MAGI1: variants seen among roughly 807,000 people sequenced by gnomAD.
MAGI1 encodes the protein membrane-associated guanylate kinase, WW and PDZ domain-containing protein 1.
Under a neutral mutation model 139.9 loss-of-function variants are expected in MAGI1, and 58 were observed. The observed-to-expected ratio is 0.41, with a 90% CI of 0.34 to 0.52. MAGI1 has a LOEUF of 0.52. MAGI1 is among the 20% of genes least tolerant of loss of function. The pLI is 0.12. For missense variants in MAGI1, 1,874 were observed against 1,901.6 expected (o/e 0.99, Z 0.27); for synonymous variants, 812 against 737.9 (o/e 1.10, Z -1.63).
chr3:65,783,657 G>A (rs2039123276), intron 1 of MAGI1, among the ~76,000 whole-genome samples: 1 of 151,650 alleles, frequency 6.6e-6, no homozygotes, highest in Non-Finnish European at 1.5e-5. Flanking sequence ...ACCATGCCCA[G>A]CTAATTTTTT....
intron 1 of MAGI1, among the ~76,000 whole-genome samples, chr3:65,788,224 T>C (rs865955106): frequency 1.1e-4 from 16 of 152,170 alleles, no homozygotes; most frequent in South Asian, 2.1e-4. Context: ...TGAAGGTTTT[T>C]CGAATGTTTT....
At chr3:65,839,646 G>A (rs1575663155) in intron 1 of MAGI1, among the ~76,000 whole-genome samples, 1 of 152,098 alleles carries the variant, frequency 6.6e-6, no homozygotes, top group African/African-American at 2.4e-5. Context: ...CTATAAAACT[G>A]TTTAGCTAAA....
chr3:65,610,204 T>C (rs191628418), intron 2 of MAGI1, among the ~76,000 whole-genome samples: 3 of 152,316 alleles, frequency 2.0e-5, no homozygotes, highest in Admixed American at 1.3e-4. Flanking sequence ...ATGGGGTATC[T>C]AATTCTGAAG....
At chr3:65,775,235 C>T (rs1175285715) in intron 1 of MAGI1, among the ~76,000 whole-genome samples, 1 of 151,838 alleles carries the variant, frequency 6.6e-6, no homozygotes, top group Non-Finnish European at 1.5e-5. Flanking sequence ...TCCTTGAGTC[C>T]AGGAGTTTCA....
intron 1 of MAGI1, among the ~76,000 whole-genome samples, chr3:65,811,283 T>G (rs1210393143): frequency 6.6e-6 from 1 of 152,206 alleles, no homozygotes; most frequent in South Asian, 2.1e-4. Context: ...AATGAAAGAC[T>G]ATATTCACTG....
At chr3:65,651,060 C>G (rs774931010) in intron 1 of MAGI1, among the ~76,000 whole-genome samples, 16 of 152,152 alleles carry the variant, frequency 1.1e-4, no homozygotes, top group Non-Finnish European at 1.8e-4. Context: ...CCCAACCCCA[C>G]CTAGTCCTCA....
At chr3:65,791,050 G>A (rs554698040) in intron 1 of MAGI1, among the ~76,000 whole-genome samples, 38 of 152,148 alleles carry the variant, frequency 2.5e-4, no homozygotes, top group South Asian at 4.2e-4. Context: ...ACTCCAGCCT[G>A]GGCAACAAAG....
chr3:65,452,425 T>A lies in MAGI1; in HGVS notation c.1042+833A>T, dbSNP rs980524686. 9.2e-5 allele frequency among the ~76,000 whole-genome samples: 14 copies of A among 152,194 alleles called. 1 individual carries two copies. Among genetic ancestry groups the A allele is most frequent in the Non-Finnish European group, 1.5e-5 (1 of 68,036 alleles). Reference sequence around the variant, plus strand: ...TACAGTAAAATACATATTTAATAATTATACTACTAATTCACATGCCAGAAT... The same window carrying A: ...TACAGTAAAATACATATTTAATAATAATACTACTAATTCACATGCCAGAAT... On this transcript the variant is annotated intron_variant, in intron 6 of 22. Transcript: ENST00000402939.
At chr3:65,695,963 T>A (rs2089146849) in intron 1 of MAGI1, among the ~76,000 whole-genome samples, 1 of 152,094 alleles carries the variant, frequency 6.6e-6, no homozygotes, top group Admixed American at 6.5e-5. Flanking sequence ...AGAATGACCC[T>A]CCCAAAGGTA....
intron 8 of MAGI1, among the ~76,000 whole-genome samples, chr3:65,440,997 G>C (rs764634148): frequency 6.6e-6 from 1 of 151,868 alleles, no homozygotes; most frequent in South Asian, 2.1e-4. Flanking sequence ...GTCTCTCTCT[G>C]TCACCCAGGC....
intron 1 of MAGI1, among the ~76,000 whole-genome samples, chr3:65,977,527 A>C (rs918694996): frequency 1.3e-5 from 2 of 152,122 alleles, no homozygotes; most frequent in Admixed American, 1.3e-4. Context: ...CCCGGCCAAC[A>C]TAGTGAAACC....
At chr3:65,787,816 T>C (rs532700010) in intron 1 of MAGI1, among the ~76,000 whole-genome samples, 7 of 152,198 alleles carry the variant, frequency 4.6e-5, no homozygotes, top group Non-Finnish European at 1.0e-4. Flanking sequence ...GAAAGGCATA[T>C]TTCTCAGAAA....
intron 1 of MAGI1, among the ~76,000 whole-genome samples, chr3:65,877,582 TAAG>T (rs1450928940): frequency 6.6e-6 from 1 of 152,010 alleles, no homozygotes; most frequent in African/African-American, 2.4e-5. Context: ...ATCAGTAAGG[TAAG>T]AAGAAGGTGG....
chr3:65,403,957 A>G (rs1945121018), intron 12 of MAGI1, among the ~76,000 whole-genome samples: 1 of 152,236 alleles, frequency 6.6e-6, no homozygotes, highest in African/African-American at 2.4e-5. Flanking sequence ...CTATCTCTAC[A>G]GGTAACAACA....
chr3:65,877,003 A>C (rs1379347207), intron 1 of MAGI1, among the ~76,000 whole-genome samples: 1 of 152,184 alleles, frequency 6.6e-6, no homozygotes, highest in Non-Finnish European at 1.5e-5. Context: ...TCGGCCTCCC[A>C]AAGTGCTGGG....
At chr3:65,893,455 T>C (rs1399201479) in intron 1 of MAGI1, among the ~76,000 whole-genome samples, 1 of 152,222 alleles carries the variant, frequency 6.6e-6, no homozygotes, top group Non-Finnish European at 1.5e-5. Context: ...AGTTTCTTCA[T>C]GCATTCTCAA....
intron 1 of MAGI1, among the ~76,000 whole-genome samples, chr3:66,004,410 C>T (rs2066908848): frequency 6.6e-6 from 1 of 152,176 alleles, no homozygotes; most frequent in African/African-American, 2.4e-5. Flanking sequence ...TCTGCGTGGT[C>T]TCTCTGTGTG....
At chr3:65,387,343 T>C in intron 14 of MAGI1, 1 of 682,900 alleles carries the variant, frequency 1.5e-6, no homozygotes, top group Non-Finnish European at 2.5e-6. Flanking sequence ...ATAAAGGTCA[T>C]GGCTGTTATG....
chr3:65,359,346 C>A (rs148805215), intron 22 of MAGI1: 1 of 1,372,840 alleles, frequency 7.3e-7, no homozygotes, highest in African/African-American at 1.4e-5. Context: ...CTGCAGAGAC[C>A]GCAATCGGAA....
Sources: allele counts gnomAD v4.1 joint callset (sites outside exome capture counted in the v4.1 genomes callset), GRCh38; gene constraint gnomAD v4.1.1; transcripts MANE v1.5; gene names NCBI Gene and HGNC (gene_info 2026-07-23, HGNC 2026-07-21).